Variants in C12orf42 observed in about 807,000 individuals in gnomAD.
The protein encoded by C12orf42 is chromosome 12 open reading frame 42.
Under a neutral mutation model 21.6 loss-of-function variants are expected in C12orf42, and 25 were observed. The ratio of observed to expected loss-of-function variants is 1.16; its 90% CI spans 0.84 to 1.62. The LOEUF (loss-of-function observed/expected upper bound fraction) is 1.62, where lower values mean the gene tolerates loss of function less well. Ranked by LOEUF, C12orf42 falls within the 40% of genes most tolerant of loss-of-function variation. C12orf42 has a pLI of 0.00. For synonymous variants in C12orf42, 174 were observed against 175.0 expected, an observed-to-expected ratio of 0.99 and a Z score of 0.05; for missense variants, 483 against 459.3, an observed-to-expected ratio of 1.05 and a Z score of -0.47.
At chr12:103,446,080 C>T (rs1951557839) in intron 2 of C12orf42, among the ~76,000 whole-genome samples, 1 of 151,878 alleles carries the variant, frequency 6.6e-6, no homozygotes, top group African/African-American at 2.4e-5. Flanking sequence ...ACATGCCAGT[C>T]ACAGTTCTAA....
the C12orf42 span, among the ~76,000 whole-genome samples, chr12:103,523,909 C>A: frequency 5.3e-5 from 8 of 151,994 alleles, no homozygotes; most frequent in Non-Finnish European, 1.2e-4. Context: ...AGGATGGAGG[C>A]CTGTGAGCCC....
At chr12:103,198,106 G>A in the C12orf42 span, among the ~76,000 whole-genome samples, 1 of 152,232 alleles carries the variant, frequency 6.6e-6, no homozygotes, top group African/African-American at 2.4e-5. Context: ...GAAGCAGGCA[G>A]TGACAGTGAG....
downstream of C12orf42, among the ~76,000 whole-genome samples, chr12:103,297,740 A>G (rs146010813): frequency 0.08 from 12,109 of 151,028 alleles, 226 homozygotes; most frequent in East Asian, 0.17. Context: ...GCAGCACATC[A>G]AAAAGCTTAT....
intron 2 of C12orf42, among the ~76,000 whole-genome samples, chr12:103,460,342 G>A (rs376899797): frequency 6.6e-6 from 1 of 151,984 alleles, no homozygotes. Context: ...TATGGGCCAG[G>A]TCGGCACATG....
chr12:103,127,090 A>C, the C12orf42 span, among the ~76,000 whole-genome samples: 1 of 152,228 alleles, frequency 6.6e-6, no homozygotes, highest in East Asian at 1.9e-4. Context: ...TATGTGGAGA[A>C]TTCAGCACTG....
chr12:103,489,724 G>C (rs916665154), intron 1 of C12orf42, among the ~76,000 whole-genome samples: 4 of 152,240 alleles, frequency 2.6e-5, no homozygotes, highest in African/African-American at 9.6e-5. Flanking sequence ...GCTAGAGTGA[G>C]CAAGGCTCCA....
the C12orf42 span, among the ~76,000 whole-genome samples, chr12:103,052,559 A>G: frequency 6.6e-6 from 1 of 152,022 alleles, no homozygotes; most frequent in African/African-American, 2.4e-5. Context: ...TTATTTATAT[A>G]TTCTGGATAT....
At chr12:103,426,526 G>A (rs1446210599) in intron 2 of C12orf42, among the ~76,000 whole-genome samples, 1 of 152,142 alleles carries the variant, frequency 6.6e-6, no homozygotes, top group African/African-American at 2.4e-5. Flanking sequence ...GAACCAAATT[G>A]GAAGACACTC....
the C12orf42 span, among the ~76,000 whole-genome samples, chr12:103,123,778 T>C: frequency 6.6e-6 from 1 of 151,728 alleles, no homozygotes; most frequent in Non-Finnish European, 1.5e-5. Context: ...TTAAATATAT[T>C]AACATATATT....
chr12:103,064,628 G>A, the C12orf42 span, among the ~76,000 whole-genome samples: 5 of 152,238 alleles, frequency 3.3e-5, no homozygotes, highest in Non-Finnish European at 7.3e-5. Flanking sequence ...TGAAGGAAGG[G>A]GAGGCCGGGT....
chr12:103,464,623 A>G (rs2137742929), intron 2 of C12orf42, among the ~76,000 whole-genome samples: 1 of 152,172 alleles, frequency 6.6e-6, no homozygotes, highest in South Asian at 2.1e-4. Context: ...TGATGTTTTC[A>G]TCATGAAATC....
rs371898605 is a variant in C12orf42 at position 103,420,616 on chromosome 12, G to GCCTC, written c.79-18945_79-18942dup. On this transcript the variant is annotated intron_variant, in intron 2 of 5. Coordinates refer to ENST00000548883, the MANE Select transcript of C12orf42 (RefSeq NM_198521.5). ...ACGATCTCTGCTCACTGCAACCTCCGCCTCCCTGGTTCATGTGATTCTCCT... is the reference window on the plus strand; with the variant it reads ...ACGATCTCTGCTCACTGCAACCTCCGCCTCCCTCCCTGGTTCATGTGATTCTCCT... Among the ~76,000 whole-genome samples the GCCTC allele has an allele frequency of 1.1e-4, 17 of 151,742 alleles. No individual in the cohort carries two copies. The East Asian group carries it at 3.3e-3, about 29-fold the overall frequency.
intron 4 of C12orf42, among the ~76,000 whole-genome samples, chr12:103,354,042 G>A (rs879772954): frequency 6.6e-6 from 1 of 152,134 alleles, no homozygotes; most frequent in Non-Finnish European, 1.5e-5. Context: ...TGAAGTATAC[G>A]TGTACAAACT....
chr12:103,530,625 T>TCG, the C12orf42 span, among the ~76,000 whole-genome samples: 2 of 137,210 alleles, frequency 1.5e-5, no homozygotes, highest in Non-Finnish European at 3.3e-5. Flanking sequence ...CGGCAAGTGT[T>TCG]CGGGGGGGGA....
chr12:103,060,347 C>T, the C12orf42 span, among the ~76,000 whole-genome samples: 5 of 152,184 alleles, frequency 3.3e-5, no homozygotes, highest in South Asian at 4.1e-4. Context: ...AATGAAAAAA[C>T]ATTCCATGCT....
chr12:103,183,485 A>G, the C12orf42 span, among the ~76,000 whole-genome samples: 3 of 152,088 alleles, frequency 2.0e-5, no homozygotes, highest in African/African-American at 7.2e-5. Flanking sequence ...CTTGCCAGAT[A>G]TTTATCAATG....
chr12:103,274,348 T>C (rs1463868820), intron 5 of C12orf42, among the ~76,000 whole-genome samples: 1 of 152,278 alleles, frequency 6.6e-6, no homozygotes. Flanking sequence ...TAACTGTGGG[T>C]ACATCTTTAA....
At chr12:103,080,787 G>T in the C12orf42 span, among the ~76,000 whole-genome samples, 1 of 152,072 alleles carries the variant, frequency 6.6e-6, no homozygotes, top group Non-Finnish European at 1.5e-5. Context: ...TGCTGGCTTT[G>T]TGACAAGTAC....
At chr12:103,398,300 G>A (rs1373766310) in intron 3 of C12orf42, among the ~76,000 whole-genome samples, 3 of 151,826 alleles carry the variant, frequency 2.0e-5, no homozygotes, top group Non-Finnish European at 1.5e-5. Context: ...TACTTTTATT[G>A]GATATTCAGA....
Sources: allele counts gnomAD v4.1 joint callset (sites outside exome capture counted in the v4.1 genomes callset), GRCh38; gene constraint gnomAD v4.1.1; transcripts MANE v1.5; gene names NCBI Gene and HGNC (gene_info 2026-07-23, HGNC 2026-07-21).